Variants in BTAF1 observed in about 807,000 individuals in gnomAD.
The protein encoded by BTAF1 is B-TFIID TATA-box binding protein associated factor 1.
A neutral mutation model predicts 227.1 loss-of-function variants in BTAF1; 38 were observed. That is an observed-to-expected ratio of 0.17 (90% CI 0.13 to 0.22). BTAF1 has a LOEUF of 0.22. BTAF1 is among the 10% of genes least tolerant of loss of function. The pLI is 1.00. For missense variants in BTAF1, 1,598 were observed against 2,204.0 expected, an observed-to-expected ratio of 0.73 and a Z score of 5.51; for synonymous variants, 742 against 751.9, an observed-to-expected ratio of 0.99 and a Z score of 0.21.
At chr10:91,942,706 G>A in intron 4 of BTAF1, 138 bp downstream of exon 4, 1 of 986,734 alleles carries the variant, frequency 1.0e-6, no homozygotes. Context: ...GGTGGCGGGG[G>A]ATGCTATGAA....
intron 14 of BTAF1, among the ~76,000 whole-genome samples, chr10:91,974,955 C>T (rs1307754418): frequency 1.3e-5 from 2 of 152,112 alleles, no homozygotes; most frequent in South Asian, 2.1e-4. Flanking sequence ...AAGGAATTTA[C>T]CATTTGTTTG....
chr10:91,956,561 G>A lies in BTAF1; in HGVS notation c.735G>A (p.Lys245=). ...GCACTGATGGGGAGCCAGAAGAAAAGAGACGGAAAATAGCAAATGTTGTTA... is the reference window on the plus strand; with the variant it reads ...GCACTGATGGGGAGCCAGAAGAAAAAAGACGGAAAATAGCAAATGTTGTTA... ...NDSTDGEPEE[K]RRKIANVVIN... is the part of the protein sequence containing the mutation. Residue 245 remains lysine, a synonymous_variant, in exon 7 of 38, where the codon AAG becomes AAA. Transcript: ENST00000265990. 6.3e-7 allele frequency: 1 copy of A among 1,599,850 alleles called. No homozygotes were observed. The highest frequency in any genetic ancestry group is 8.5e-7 in the Non-Finnish European group (1 of 1,176,424).
chr10:91,977,340 G>C (rs1554856562), intron 14 of BTAF1, among the ~76,000 whole-genome samples: 1 of 151,872 alleles, frequency 6.6e-6, no homozygotes, highest in Non-Finnish European at 1.5e-5. Context: ...GAATCATATA[G>C]TATGGAGCCT....
intron 18 of BTAF1, among the ~76,000 whole-genome samples, chr10:91,983,678 A>T (rs1369573922): frequency 6.6e-6 from 1 of 152,152 alleles, no homozygotes; most frequent in African/African-American, 2.4e-5. Flanking sequence ...AGAACCCCTC[A>T]TGGCTCACCA....
At chr10:91,980,629 C>A in intron 15 of BTAF1, 71 bp downstream of exon 15, 1 of 1,209,078 alleles carries the variant, frequency 8.3e-7, no homozygotes, top group Non-Finnish European at 1.2e-6. Context: ...TTCATAATTG[C>A]TGTTCTGTTG....
At chr10:91,938,550 A>G (rs1218541875) in intron 2 of BTAF1, among the ~76,000 whole-genome samples, 2 of 152,202 alleles carry the variant, frequency 1.3e-5, no homozygotes, top group Non-Finnish European at 2.9e-5. Flanking sequence ...TTGTCTCAAC[A>G]CCTTTGTTGA....
At chr10:91,989,030 A>T in intron 19 of BTAF1, 124 bp from the exon 20 acceptor site, 1 of 796,346 alleles carries the variant, frequency 1.3e-6, no homozygotes, top group Non-Finnish European at 1.9e-6. Flanking sequence ...TGAGTACTAA[A>T]ACAATATTAC....
chr10:92,025,812 A>C (rs1194176938), intron 35 of BTAF1, among the ~76,000 whole-genome samples: 1 of 79,198 alleles, frequency 1.3e-5, no homozygotes, highest in East Asian at 5.5e-4. Flanking sequence ...CTCTGTCTCA[A>C]AAAAAAAAAA....
chr10:91,925,355 A>G (rs1476582464), intron 1 of BTAF1, among the ~76,000 whole-genome samples: 1 of 152,182 alleles, frequency 6.6e-6, no homozygotes, highest in Non-Finnish European at 1.5e-5. Flanking sequence ...AAATGCATTG[A>G]TATGTAAACT....
At chr10:92,007,440 C>T (rs540909857) in intron 25 of BTAF1, among the ~76,000 whole-genome samples, 1 of 152,152 alleles carries the variant, frequency 6.6e-6, no homozygotes, top group Non-Finnish European at 1.5e-5. Flanking sequence ...TGGTCTTGAA[C>T]TCCTGACCTC....
chr10:91,981,212 CTT>C (rs1199680379), intron 15 of BTAF1, among the ~76,000 whole-genome samples: 1 of 152,112 alleles, frequency 6.6e-6, no homozygotes, highest in Non-Finnish European at 1.5e-5. Flanking sequence ...TGAATCAAAA[CTT>C]ATACTGTTTT....
chr10:92,006,843 C>T (rs1381311672), intron 25 of BTAF1, among the ~76,000 whole-genome samples: 2 of 152,146 alleles, frequency 1.3e-5, no homozygotes, highest in Non-Finnish European at 2.9e-5. Flanking sequence ...CTTTCTTTCT[C>T]CTGGGCACAG....
chr10:92,012,336 T>G (rs1341014800), intron 30 of BTAF1, among the ~76,000 whole-genome samples: 1 of 94,656 alleles, frequency 1.1e-5, no homozygotes, highest in Non-Finnish European at 2.0e-5. Flanking sequence ...AACCTCCACC[T>G]CCTGGGCTCA....
chr10:91,952,578 C>G (rs189886151), intron 5 of BTAF1, among the ~76,000 whole-genome samples: 2 of 152,270 alleles, frequency 1.3e-5, no homozygotes, highest in East Asian at 3.9e-4. Flanking sequence ...TGGTCTTTTC[C>G]TTTGCTTCAG....
chr10:91,961,571 T>C (rs928134159), intron 11 of BTAF1, among the ~76,000 whole-genome samples: 1 of 152,096 alleles, frequency 6.6e-6, no homozygotes, highest in Non-Finnish European at 1.5e-5. Context: ...TTCCTGCCCC[T>C]TTTAGTGCTC....
In BTAF1 at chr10:91,984,371, CAAT is replaced by C. The variant is rs749834030; in HGVS notation, c.2395_2397del (p.Asn799del). 3.2e-5 allele frequency: 51 copies of C among 1,611,736 alleles called. No homozygotes were observed. Among genetic ancestry groups the C allele is most frequent in the Middle Eastern group, 1.8e-4 (1 of 5,556 alleles). On this transcript the variant is annotated inframe_deletion, in exon 19 of 38. Coordinates refer to ENST00000265990, the MANE Select transcript of BTAF1 (RefSeq NM_003972.3). ...TTGAAGTTGGTAATCGAGTAAACAACAATGTTTTAACAATAGATCAAGCTAGTG... is the reference window on the plus strand; with the variant it reads ...TTGAAGTTGGTAATCGAGTAAACAACGTTTTAACAATAGATCAAGCTAGTG...
At chr10:91,924,328 G>GT (rs928151825) in intron 1 of BTAF1, among the ~76,000 whole-genome samples, 4 of 152,144 alleles carry the variant, frequency 2.6e-5, no homozygotes, top group African/African-American at 7.2e-5. Context: ...CGTTAGAGCT[G>GT]TTTTTTCTCT....
intron 19 of BTAF1, among the ~76,000 whole-genome samples, chr10:91,987,642 T>C (rs971946832): frequency 6.6e-6 from 1 of 152,228 alleles, no homozygotes; most frequent in African/African-American, 2.4e-5. Context: ...CTAGCAATGC[T>C]CTTTTTGTGC....
intron 2 of BTAF1, among the ~76,000 whole-genome samples, chr10:91,936,458 T>C (rs766795026): frequency 1.3e-5 from 2 of 152,144 alleles, no homozygotes; most frequent in Admixed American, 6.5e-5. Context: ...CTCTCTCTCT[T>C]TTCAGTTTGA....
Sources: allele counts gnomAD v4.1 joint callset (sites outside exome capture counted in the v4.1 genomes callset), GRCh38; gene constraint gnomAD v4.1.1; transcripts MANE v1.5; gene names NCBI Gene and HGNC (gene_info 2026-07-23, HGNC 2026-07-21).